NOTCH1: variants seen among roughly 807,000 people sequenced by gnomAD.
The protein encoded by NOTCH1 is neurogenic locus notch homolog protein 1.
NOTCH1 carries 37 observed loss-of-function variants against 254.8 expected under a neutral mutation model. That is an observed-to-expected ratio of 0.15 (90% CI 0.11 to 0.19). The LOEUF is 0.19. Among genes scored for constraint, NOTCH1 ranks in the 10% least tolerant of loss-of-function variants. The probability of loss-of-function intolerance (pLI) is 1.00; values close to 1 mark genes in which losing one functional copy is unlikely to be tolerated. For missense variants in NOTCH1, 2,972 were observed against 3,708.6 expected, an observed-to-expected ratio of 0.80 and a Z score of 5.16; for synonymous variants, 1,731 against 1,618.1, an observed-to-expected ratio of 1.07 and a Z score of -1.68.
In NOTCH1 at chr9:136,518,693, T is replaced by G. The variant is rs895972070; in HGVS notation, c.997A>C (p.Ser333Arg). Residue 333 changes from serine (S) to arginine (R), a missense_variant, in exon 6 of 34, where the codon AGC becomes CGC. Ser to Arg is a moderately radical substitution (Grantham distance 110). Transcript: ENST00000651671. Reference protein sequence around the residue: ...CVNGWTGEDCSENIDDCASAA... With the variant: ...CVNGWTGEDCRENIDDCASAA... Reference sequence around the variant, plus strand: ...CTGGCACAGTCATCAATGTTCTCGCTGCAGTCCTCACCAGTCCAGCCGTTG... The same window carrying G: ...CTGGCACAGTCATCAATGTTCTCGCGGCAGTCCTCACCAGTCCAGCCGTTG... 1.9e-6 allele frequency: 3 copies of G among 1,612,820 alleles called. No homozygotes were observed. The highest frequency in any genetic ancestry group is 2.2e-5 in the East Asian group (1 of 44,886).
rs1249681332 is a variant in NOTCH1 at position 136,523,106 on chromosome 9, G to A, written c.486C>T (p.Tyr162=). The A allele has an allele frequency of 1.9e-6, 3 of 1,601,836 alleles. No individual in the cohort carries two copies. Among genetic ancestry groups the A allele is most frequent in the East Asian group, 2.3e-5 (1 of 44,380 alleles). The change falls in exon 4 of 34, where the codon TAC becomes TAT. Residue 162 remains tyrosine (Y), a synonymous_variant. Transcript: ENST00000651671. ...GGQCLPFEAS[Y]ICHCPPSFHG... ...GGAAGCTGGGTGGGCAGTGGCAGATGTAGGAGGCCTCGAAGGGCAGGCACT... is the reference window on the plus strand; with the variant it reads ...GGAAGCTGGGTGGGCAGTGGCAGATATAGGAGGCCTCGAAGGGCAGGCACT...
At chr9:136,518,451 C>A (rs895852600) in intron 6 of NOTCH1, 140 bp downstream of exon 6, 6 of 1,115,504 alleles carry the variant, frequency 5.4e-6, no homozygotes, top group African/African-American at 4.6e-5. Context: ...GGACTCACAG[C>A]GACCACCGGC....
Position 136,495,228 on chromosome 9 carries a change from CTCA to C in NOTCH1, c.*840_*842del, listed in dbSNP as rs878951663. 2 of 398,944 alleles carry C rather than the reference CTCA, an allele frequency of 5.0e-6. No homozygotes were observed. The highest frequency in any genetic ancestry group is 8.8e-6 in the Non-Finnish European group (2 of 226,106). The allele number at this position is 398,944 out of a possible 1,614,324, so 24.7% of individuals were successfully genotyped here. Reference sequence around the variant, plus strand: ...CAGGCAAGTGCCACAGTCCACACATCTCATGTTTGACATGCATGATGCCTACAT... The same window carrying C: ...CAGGCAAGTGCCACAGTCCACACATCTGTTTGACATGCATGATGCCTACAT... On this transcript the variant is annotated 3_prime_UTR_variant, in exon 34 of 34. Transcript: ENST00000651671.
intron 2 of NOTCH1, among the ~76,000 whole-genome samples, chr9:136,528,395 G>GGGGTGGGCAGGGACAGTGA (rs1564206612): frequency 9.5e-6 from 1 of 105,100 alleles, no homozygotes; most frequent in African/African-American, 3.7e-5. Flanking sequence ...GGGACAGTGG[G>GGGGTGGGCAGGGACAGTGA]GGGGGATGGG....
At chr9:136,499,047 C>A (rs767624608) in intron 32 of NOTCH1, 51 bp from the exon 33 acceptor site, 5 of 1,612,644 alleles carry the variant, frequency 3.1e-6, no homozygotes, top group Non-Finnish European at 4.2e-6. Context: ...GGAGGCAACC[C>A]AGTCCCACCC....
At chr9:136,499,703 C>T (rs7029129) in intron 31 of NOTCH1, among the ~76,000 whole-genome samples, 15,955 of 152,230 alleles carry the variant, frequency 0.1, 1,041 homozygotes, top group Middle Eastern at 0.21. Flanking sequence ...GTAATGCAGC[C>T]GGGTCTTGGC....
In NOTCH1 at chr9:136,543,406, C is replaced by T. The variant is rs1464479892; in HGVS notation, c.140+618G>A. Reference sequence around the variant, plus strand: ...TCACCCGTGCCCAGAGGAGGCATCACGCACCCAGAGGAGGCATCACCCGCC... The same window carrying T: ...TCACCCGTGCCCAGAGGAGGCATCATGCACCCAGAGGAGGCATCACCCGCC... On this transcript the variant is annotated intron_variant, in intron 2 of 33. Transcript: ENST00000651671. 3.2e-5 allele frequency: 8 copies of T among 251,080 alleles called. 1 individual carries two copies. The highest frequency in any genetic ancestry group is 1.4e-4 in the East Asian group (1 of 7,228). The allele number at this position is 251,080 out of a possible 1,614,324, so 15.6% of individuals were successfully genotyped here. A position where few individuals can be genotyped will look rare whatever the true frequency, so the allele number is the denominator to read the frequency against.
intron 2 of NOTCH1, among the ~76,000 whole-genome samples, chr9:136,536,842 A>G (rs573970950): frequency 6.6e-5 from 10 of 152,254 alleles, no homozygotes; most frequent in South Asian, 2.1e-4. Context: ...GTGCCCACCC[A>G]TACCCCAGGG....
At chr9:136,526,413 G>A (rs931487081) in intron 2 of NOTCH1, among the ~76,000 whole-genome samples, 6 of 152,236 alleles carry the variant, frequency 3.9e-5, no homozygotes, top group Non-Finnish European at 8.8e-5. Context: ...CATCAAAGCC[G>A]GGGCTGGAGG....
Position 136,508,376 on chromosome 9 carries a change from G to A in NOTCH1, c.3181C>T (p.His1061Tyr), listed in dbSNP as rs766126767. The change falls in exon 20 of 34, where the codon CAC becomes TAC. Residue 1061 changes from histidine to tyrosine, a missense_variant. Physicochemically the swap from His to Tyr is moderately conservative, Grantham distance 83. This residue lies in a region of NOTCH1 where 1,343 missense variants were observed against 1,557.0 expected (regional missense o/e 0.86). Transcript: ENST00000651671. ...YTGPNCQNLV[H>Y]WCDSSPCKNG... ...TTGCAGGGCGAGGAGTCACACCAGTGCACAAGGTTCTGGGGACAGATTGGG... is the reference window on the plus strand; with the variant it reads ...TTGCAGGGCGAGGAGTCACACCAGTACACAAGGTTCTGGGGACAGATTGGG... 1.9e-6 allele frequency: 3 copies of A among 1,613,242 alleles called. No homozygotes were observed. The highest frequency in any genetic ancestry group is 1.1e-5 in the South Asian group (1 of 91,090).
Position 136,523,876 on chromosome 9 carries a change from C to T in NOTCH1, c.244G>A (p.Val82Met), listed in dbSNP as rs571831870. The change falls in exon 3 of 34, where the codon GTG becomes ATG. Residue 82 changes from valine to methionine, a missense_variant. Val to Met is a conservative substitution (Grantham distance 21). Transcript: ENST00000651671. ...GCACAGCTGCAGGCATAGTCTGCCA[C>T]GCCTCTGCGGTCCACCACGTGGCAT... Reference protein sequence around the residue: ...GTCHVVDRRGVADYACSCALG... With the variant: ...GTCHVVDRRGMADYACSCALG... The T allele has an allele frequency of 1.1e-5, 17 of 1,610,354 alleles. No homozygotes were observed. The highest frequency in any genetic ancestry group is 4.0e-5 in the African/African-American group (3 of 75,040).
At chr9:136,542,781 C>T (rs1564215098) in intron 2 of NOTCH1, 1 of 152,176 alleles carries the variant, frequency 6.6e-6, no homozygotes. Flanking sequence ...GGCGCGCAGA[C>T]TGGCTGGGGA....
chr9:136,540,472 T>A lies in NOTCH1; in HGVS notation c.140+3552A>T, dbSNP rs530029902. On this transcript the variant is annotated intron_variant, in intron 2 of 33. Coordinates refer to ENST00000651671, the MANE Select transcript of NOTCH1 (RefSeq NM_017617.5). The surrounding 1 kb of genome is among the most constrained non-coding windows in gnomAD (Gnocchi z 4.4). ...AGGATTCTCTGAATTCACTCGTCAA[T>A]CAATTAAACATTCAGGAAGGAGGCT... 3.9e-5 allele frequency among the ~76,000 whole-genome samples: 6 copies of A among 152,178 alleles called. No homozygotes were observed. The highest frequency in any genetic ancestry group is 1.4e-4 in the African/African-American group (6 of 41,518).
intron 8 of NOTCH1, 37 bp from the exon 9 acceptor site, chr9:136,517,422 GC>G: frequency 1.5e-6 from 2 of 1,332,226 alleles, no homozygotes; most frequent in Non-Finnish European, 2.1e-6. Context: ...GGCACGCGCG[GC>G]CCCAGTGCCC....
chr9:136,494,487 G>A lies in NOTCH1; in HGVS notation c.*1584C>T, dbSNP rs1323107134. On this transcript the variant is annotated 3_prime_UTR_variant, in exon 34 of 34. Coordinates refer to ENST00000651671, the MANE Select transcript of NOTCH1 (RefSeq NM_017617.5). ...TTATTGCAAATCAGTTAACAAAAAAGATGAAAAAAATACATCATCTACAGT... is the reference window on the plus strand; with the variant it reads ...TTATTGCAAATCAGTTAACAAAAAAAATGAAAAAAATACATCATCTACAGT... 1 of 398,958 alleles carries A rather than the reference G, an allele frequency of 2.5e-6. No individual in the cohort carries two copies. The highest frequency in any genetic ancestry group is 3.5e-5 in the East Asian group (1 of 28,212). The allele number at this position is 398,958 out of a possible 1,614,324, so 24.7% of individuals were successfully genotyped here.
rs1843709433 is a variant in NOTCH1, at chr9:136,540,079, T to C, written c.140+3945A>G. On this transcript the variant is annotated intron_variant, in intron 2 of 33. Transcript: ENST00000651671. The surrounding 1 kb of genome is among the most constrained non-coding windows in gnomAD (Gnocchi z 4.4). The stretch of plus-strand genomic sequence containing the variant: ...ACCCTGGGGCTGATGGCGACTTCTC[T>C]GGGTCTCTTCTTCTCACTTATCGGT... Among the ~76,000 whole-genome samples the C allele has an allele frequency of 6.6e-6, 1 of 152,218 alleles. No homozygotes were observed. Among genetic ancestry groups the C allele is most frequent in the Admixed American group, 6.5e-5 (1 of 15,282 alleles).
Position 136,513,257 on chromosome 9 carries a change from G to T in NOTCH1, c.2354-123C>A. ...CCCTCCTCATCTCCAAGAGCCAGAG[G>T]CCTGGAGCTAAGGCTTTGCCACGGG... On this transcript the variant is annotated intron_variant, in intron 14 of 33. Transcript: ENST00000651671. The surrounding 1 kb of genome is among the most constrained non-coding windows in gnomAD (Gnocchi z 4.7). 6.8e-7 allele frequency: 1 copy of T among 1,479,362 alleles called. No homozygotes were observed. The highest frequency in any genetic ancestry group is 9.4e-7 in the Non-Finnish European group (1 of 1,066,946). The allele number at this position is 1,479,362 out of a possible 1,614,324, so 91.6% of individuals were successfully genotyped here. A position where few individuals can be genotyped will look rare whatever the true frequency, so the allele number is the denominator to read the frequency against.
At chr9:136,532,906 C>T (rs1162214753) in intron 2 of NOTCH1, among the ~76,000 whole-genome samples, 1 of 152,224 alleles carries the variant, frequency 6.6e-6, no homozygotes, top group East Asian at 1.9e-4. Context: ...GGAGCCAAGC[C>T]TTCCAGTCAC....
chr9:136,522,168 G>T (rs1414012739), intron 4 of NOTCH1, among the ~76,000 whole-genome samples: 1 of 151,980 alleles, frequency 6.6e-6, no homozygotes, highest in Non-Finnish European at 1.5e-5. Context: ...TAGTAGAGAC[G>T]GGGTTTCGCC....
Sources: allele counts gnomAD v4.1 joint callset (sites outside exome capture counted in the v4.1 genomes callset), GRCh38; gene constraint gnomAD v4.1.1; regional missense constraint gnomAD v4.1.1; non-coding constraint Gnocchi (gnomAD v3.1); transcripts MANE v1.5; gene names NCBI Gene and HGNC (gene_info 2026-07-23, HGNC 2026-07-21).